The following COL27A1 variants were observed in gnomAD, a reference collection of about 807,000 sequenced individuals.
The protein encoded by COL27A1 is collagen type XXVII alpha 1 chain.
Under a neutral mutation model 251.3 loss-of-function variants are expected in COL27A1, and 106 were observed. That is an observed-to-expected ratio of 0.42 (90% CI 0.36 to 0.50). COL27A1 has a LOEUF of 0.50. Ranked by LOEUF, COL27A1 falls within the 20% of genes least tolerant of loss-of-function variation. COL27A1 has a pLI of 0.00. For missense variants in COL27A1, 2,325 were observed against 2,522.8 expected (o/e 0.92, Z 1.68); for synonymous variants, 1,000 against 986.3 (o/e 1.01, Z -0.26).
At chr9:114,160,717 C>T (rs1056933038) in intron 1 of COL27A1, among the ~76,000 whole-genome samples, 1 of 151,932 alleles carries the variant, frequency 6.6e-6, no homozygotes, top group Non-Finnish European at 1.5e-5. Context: ...AGACAGGCAT[C>T]CTTGCCCTTT....
At chr9:114,257,817 G>A (rs530702357) in intron 27 of COL27A1, among the ~76,000 whole-genome samples, 2 of 152,332 alleles carry the variant, frequency 1.3e-5, no homozygotes, top group Admixed American at 1.3e-4. Context: ...CAGGGTGGAG[G>A]TGAGGGACAG....
chr9:114,254,547 G>C (rs1263089291), intron 27 of COL27A1, among the ~76,000 whole-genome samples: 1 of 152,074 alleles, frequency 6.6e-6, no homozygotes, highest in Non-Finnish European at 1.5e-5. Context: ...GGGTGTGGGG[G>C]TAGAGGGACC....
At chr9:114,207,117 G>C (rs1830021379) in intron 10 of COL27A1, among the ~76,000 whole-genome samples, 1 of 152,232 alleles carries the variant, frequency 6.6e-6, no homozygotes, top group Non-Finnish European at 1.5e-5. Context: ...GCCTGGACTT[G>C]CTGCCTCTCA....
intron 14 of COL27A1, among the ~76,000 whole-genome samples, chr9:114,227,095 G>T (rs871878): frequency 0.69 from 104,588 of 151,936 alleles, 37,890 homozygotes; most frequent in South Asian, 0.85. Context: ...TATGTCAGTG[G>T]CTAAGTATGT....
chr9:114,236,230 T>G (rs1352357288), intron 17 of COL27A1, among the ~76,000 whole-genome samples: 2 of 152,144 alleles, frequency 1.3e-5, no homozygotes, highest in Non-Finnish European at 2.9e-5. Context: ...CTGAGAGGCA[T>G]GTCCTCCCCT....
chr9:114,218,576 G>A (rs1388510233), intron 12 of COL27A1: 1 of 152,184 alleles, frequency 6.6e-6, no homozygotes, highest in Non-Finnish European at 1.5e-5. Context: ...TGCATGCAAA[G>A]TGACTACCTT....
At chr9:114,174,151 G>A (rs1849526206) in intron 3 of COL27A1, among the ~76,000 whole-genome samples, 1 of 152,054 alleles carries the variant, frequency 6.6e-6, no homozygotes, top group South Asian at 2.1e-4. Context: ...CTAATTTTTT[G>A]TATTTTTAGT....
At chr9:114,172,180 A>C (rs1225052578) in intron 3 of COL27A1, among the ~76,000 whole-genome samples, 1 of 152,190 alleles carries the variant, frequency 6.6e-6, no homozygotes, top group Non-Finnish European at 1.5e-5. Flanking sequence ...TCACTTCTTC[A>C]CCAGATACCA....
At chr9:114,260,913 A>G (rs1305986215) in intron 28 of COL27A1, among the ~76,000 whole-genome samples, 1 of 152,048 alleles carries the variant, frequency 6.6e-6, no homozygotes, top group Non-Finnish European at 1.5e-5. Context: ...CAAGATTCCA[A>G]TGCCTCGGGC....
intron 31 of COL27A1, 151 bp from the exon 32 acceptor site, chr9:114,265,271 C>A: frequency 9.4e-7 from 1 of 1,060,570 alleles, no homozygotes; most frequent in Non-Finnish European, 1.4e-6. Context: ...GCTCCTCCAG[C>A]ACATCCTCTC....
intron 7 of COL27A1, among the ~76,000 whole-genome samples, chr9:114,202,749 G>A (rs1156490541): frequency 6.6e-6 from 1 of 152,004 alleles, no homozygotes; most frequent in African/African-American, 2.4e-5. Flanking sequence ...TGTTCCCTCT[G>A]CCTGCACTGC....
At chr9:114,227,311 G>GTT (rs5900077) in intron 14 of COL27A1, among the ~76,000 whole-genome samples, 14,081 of 128,794 alleles carry the variant, frequency 0.11, 1,129 homozygotes, top group African/African-American at 0.19. Context: ...AACCTTGAGT[G>GTT]TTTTTTTTTT....
chr9:114,162,889 C>T, intron 2 of COL27A1, 104 bp downstream of exon 2: 1 of 746,962 alleles, frequency 1.3e-6, no homozygotes, highest in Non-Finnish European at 2.3e-6. Flanking sequence ...AACTCAATGC[C>T]TCAGTTTTCC....
chr9:114,173,483 G>T (rs1849469821), intron 3 of COL27A1, among the ~76,000 whole-genome samples: 1 of 152,212 alleles, frequency 6.6e-6, no homozygotes, highest in South Asian at 2.1e-4. Context: ...AAGAACATAG[G>T]CTTTGGATTT....
chr9:114,301,737 G>C lies in COL27A1; in HGVS notation c.4845+20G>C, dbSNP rs377181089. ...CCCCCGGTAGGTAACTGAGTGCTGG[G>C]TGCATCTTGGACTCCTGGGGGGTTC... On this transcript the variant is annotated intron_variant, in intron 55 of 60. Coordinates refer to ENST00000356083, the MANE Select transcript of COL27A1 (RefSeq NM_032888.4). The C allele has an allele frequency of 6.2e-7, 1 of 1,610,972 alleles. No individual in the cohort carries two copies. The highest frequency in any genetic ancestry group is 1.3e-5 in the African/African-American group (1 of 74,838).
intron 3 of COL27A1, among the ~76,000 whole-genome samples, chr9:114,173,142 T>A (rs1849439127): frequency 6.6e-6 from 1 of 151,512 alleles, no homozygotes; most frequent in African/African-American, 2.5e-5. Flanking sequence ...AGCTTGGCCC[T>A]GGGTGAGTTG....
At chr9:114,237,839 T>A (rs141672556) in intron 19 of COL27A1, 124 bp downstream of exon 19, 1 of 748,776 alleles carries the variant, frequency 1.3e-6, no homozygotes, top group African/African-American at 1.7e-5. Context: ...GAGATGAGGC[T>A]GAGAGGAGAA....
intron 1 of COL27A1, among the ~76,000 whole-genome samples, chr9:114,156,267 G>C (rs991760757): frequency 6.6e-6 from 1 of 151,288 alleles, no homozygotes; most frequent in Admixed American, 6.6e-5. Flanking sequence ...GAGCCAGCCC[G>C]GGGGTCGGGG....
intron 16 of COL27A1, 109 bp downstream of exon 16, chr9:114,231,975 C>T (rs1362042293): frequency 3.8e-6 from 4 of 1,047,954 alleles, no homozygotes; most frequent in Non-Finnish European, 5.9e-6. Flanking sequence ...TGCACTCTTC[C>T]TGCCTCTCCT....
Sources: gnomAD v4.1 joint callset for allele counts (sites outside exome capture counted in the v4.1 genomes callset) on GRCh38, gnomAD v4.1.1 for gene constraint, MANE v1.5 for transcripts, NCBI Gene and HGNC (gene_info 2026-07-23, HGNC 2026-07-21) for gene names.